PBK: variants seen among roughly 807,000 people sequenced by gnomAD.
The protein encoded by PBK is lymphokine-activated killer T-cell-originated protein kinase.
PBK carries 22 observed loss-of-function variants against 33.5 expected under a neutral mutation model. The ratio of observed to expected loss-of-function variants is 0.66; its 90% CI spans 0.47 to 0.94. The LOEUF (loss-of-function observed/expected upper bound fraction) is 0.94, where lower values mean the gene tolerates loss of function less well. Ranked by LOEUF, PBK falls within the 40% of genes least tolerant of loss-of-function variation. The pLI, the probability that PBK is intolerant of heterozygous loss-of-function variation, is 0.00. For synonymous variants in PBK, 129 were observed against 123.8 expected, an observed-to-expected ratio of 1.04 and a Z score of -0.28; for missense variants, 376 against 383.4, an observed-to-expected ratio of 0.98 and a Z score of 0.16.
rs971447973 is a variant in PBK at position 27,837,777 on chromosome 8, G to C, written c.-146C>G. ...AGCTGCCTCTAGCACCAACACATACGCCCGGCAGCTGCCGTTGCAATTCGA... is the reference window on the plus strand; with the variant it reads ...AGCTGCCTCTAGCACCAACACATACCCCCGGCAGCTGCCGTTGCAATTCGA... On this transcript the variant is annotated 5_prime_UTR_variant, in exon 1 of 8. Coordinates refer to ENST00000301905, the MANE Select transcript of PBK (RefSeq NM_018492.4). 1 of 152,204 alleles carries C rather than the reference G, an allele frequency of 6.6e-6. No individual in the cohort carries two copies. Among genetic ancestry groups the C allele is most frequent in the Non-Finnish European group, 1.5e-5 (1 of 68,056 alleles). The allele number at this position is 152,204 out of a possible 1,614,324, so 9.4% of individuals were successfully genotyped here. A position where few individuals can be genotyped will look rare whatever the true frequency, so the allele number is the denominator to read the frequency against.
intron 2 of PBK, among the ~76,000 whole-genome samples, chr8:27,831,214 A>T (rs1806122968): frequency 6.6e-6 from 1 of 151,998 alleles, no homozygotes. Context: ...TTAGCCGGCC[A>T]TGGTGGTGCA....
At chr8:27,822,214 G>A (rs1331786290) in intron 5 of PBK, 105 bp downstream of exon 5, 14 of 842,328 alleles carry the variant, frequency 1.7e-5, no homozygotes, top group East Asian at 2.7e-5. Context: ...GAACTGACAA[G>A]TAACAATATC....
intron 6 of PBK, among the ~76,000 whole-genome samples, chr8:27,813,771 A>T (rs982569982): frequency 1.3e-5 from 2 of 152,186 alleles, no homozygotes; most frequent in Non-Finnish European, 2.9e-5. Context: ...TGATTCTTGA[A>T]TGTTACAACT....
At chr8:27,835,542 G>T (rs890676547) in intron 1 of PBK, among the ~76,000 whole-genome samples, 15 of 146,374 alleles carry the variant, frequency 1.0e-4, no homozygotes, top group Non-Finnish European at 3.0e-5. Context: ...GCACCTCAGA[G>T]ATCTTCTAAG....
rs151214333 is a variant in PBK, at chr8:27,835,512, C to G, written c.-21+2140G>C. Among the ~76,000 whole-genome samples the G allele has an allele frequency of 1.6e-3, 236 of 152,102 alleles. 1 individual carries two copies. Among genetic ancestry groups the G allele is most frequent in the African/African-American group, 5.4e-3 (226 of 41,498 alleles). Reference sequence around the variant, plus strand: ...CTTCTTCCATCTGTGTTATCTTTCCCCATGGGATGCTGTGATGTGGCACCT... The same window carrying G: ...CTTCTTCCATCTGTGTTATCTTTCCGCATGGGATGCTGTGATGTGGCACCT... On this transcript the variant is annotated intron_variant, in intron 1 of 7. Coordinates refer to ENST00000301905, the MANE Select transcript of PBK (RefSeq NM_018492.4).
intron 6 of PBK, among the ~76,000 whole-genome samples, chr8:27,819,826 A>T (rs1268247830): frequency 1.3e-5 from 2 of 152,100 alleles, no homozygotes; most frequent in Non-Finnish European, 2.9e-5. Flanking sequence ...ATAAGGTTTC[A>T]CAACAGTTCT....
At chr8:27,834,912 G>A (rs1279754780) in intron 1 of PBK, among the ~76,000 whole-genome samples, 4 of 151,034 alleles carry the variant, frequency 2.6e-5, no homozygotes, top group Non-Finnish European at 5.9e-5. Context: ...AAAAAAGAAC[G>A]GAAGAAAAGA....
chr8:27,820,523 T>G, intron 6 of PBK, 42 bp downstream of exon 6: 1 of 1,210,988 alleles, frequency 8.3e-7, no homozygotes, highest in Non-Finnish European at 1.2e-6. Context: ...ATGTAAACAC[T>G]GTATTAAAAA....
At chr8:27,833,834 A>T (rs1461882886) in intron 1 of PBK, among the ~76,000 whole-genome samples, 2 of 152,192 alleles carry the variant, frequency 1.3e-5, no homozygotes, top group African/African-American at 4.8e-5. Flanking sequence ...CATTATTCAT[A>T]ACAGCCAAAA....
intron 2 of PBK, among the ~76,000 whole-genome samples, 189 bp from the exon 3 acceptor site, chr8:27,828,387 A>G (rs1040700732): frequency 2.0e-5 from 3 of 152,234 alleles, no homozygotes; most frequent in Admixed American, 6.5e-5. Flanking sequence ...ATCCTACAGT[A>G]ACTCTGAAGC....
chr8:27,824,316 A>G (rs546922349), intron 3 of PBK, among the ~76,000 whole-genome samples: 19 of 152,180 alleles, frequency 1.2e-4, no homozygotes, highest in Non-Finnish European at 2.5e-4. Flanking sequence ...CACCTTTTCC[A>G]TAACATATTC....
rs1055482374 is a variant in PBK at position 27,822,378 on chromosome 8, C to A, written c.406G>T (p.Asp136Tyr). The A allele has an allele frequency of 1.2e-6, 2 of 1,613,462 alleles. No individual in the cohort carries two copies. The highest frequency in any genetic ancestry group is 1.7e-6 in the Non-Finnish European group (2 of 1,179,784). The change falls in exon 5 of 8, where the codon GAT (aspartate) becomes TAT (tyrosine). Residue 136 changes from aspartate to tyrosine, a missense_variant. Asp to Tyr is a radical substitution (Grantham distance 160, BLOSUM62 -3). Coordinates refer to ENST00000301905, the MANE Select transcript of PBK (RefSeq NM_018492.4). Reference protein sequence around the residue: ...LIEERYKASQDPFPAAIILKV... With the variant: ...LIEERYKASQYPFPAAIILKV... ...AAAATTATGGCTGCTGGAAAAGGAT[C>A]TTGGCTGGCTTTATATCGTTCTTCT...
chr8:27,828,324 T>C, intron 2 of PBK, 126 bp from the exon 3 acceptor site: 1 of 460,368 alleles, frequency 2.2e-6, no homozygotes, highest in Non-Finnish European at 3.8e-6. Context: ...TTTGACAACA[T>C]ATATCCTAAT....
rs1355902899 is a variant in PBK, at chr8:27,828,199, CTAAA to C, written c.59-5_59-2del. On this transcript the variant is annotated splice_acceptor_variant and splice_polypyrimidine_tract_variant and intron_variant, in intron 2 of 7. Transcript: ENST00000301905. LOFTEE classifies it high-confidence loss of function. ...TTTATAGTTGGAGTTGAACATAATA[CTAAA>C]TGTCAGAGAAATAAAAAATAAAATT... 1 of 1,385,864 alleles carries C rather than the reference CTAAA, an allele frequency of 7.2e-7. No individual in the cohort carries two copies. Among genetic ancestry groups the C allele is most frequent in the East Asian group, 2.3e-5 (1 of 43,586 alleles). The allele number at this position is 1,385,864 out of a possible 1,614,324, so 85.8% of individuals were successfully genotyped here. A position where few individuals can be genotyped will look rare whatever the true frequency, so the allele number is the denominator to read the frequency against.
In PBK at chr8:27,820,585, G is replaced by T; in HGVS notation, c.575C>A (p.Pro192Gln). The T allele has an allele frequency of 6.3e-7, 1 of 1,579,014 alleles. No individual in the cohort carries two copies. Among genetic ancestry groups the T allele is most frequent in the Non-Finnish European group, 8.7e-7 (1 of 1,154,780 alleles). ...CTTACCAGTCATATTTTCATCCAGT[G>T]GTAGAGAGACTCCTACATCACAGAT... is the stretch of plus-strand genomic sequence containing the variant. ...IKICDVGVSL[P>Q]LDENMTVTDP... Residue 192 changes from proline (P) to glutamine (Q), a missense_variant, in exon 6 of 8, where the codon CCA becomes CAA. Transcript: ENST00000301905.
chr8:27,827,823 C>T (rs1806054953), intron 3 of PBK, among the ~76,000 whole-genome samples: 1 of 152,198 alleles, frequency 6.6e-6, no homozygotes, highest in Non-Finnish European at 1.5e-5. Flanking sequence ...CACAAAGGAA[C>T]CCTTTCCCCT....
At position 27,823,148 on chromosome 8, in the gene PBK, A is replaced by G. The variant is rs1585429278; in HGVS notation, c.210T>C (p.Cys70=). ...PWAVKKINPI[C]NDHYRSVYQK... is the part of the protein sequence containing the mutation. ...GATACACACTTCGATAATGATCATT[A>G]CATATAGGATTAATCTTTTTTACAG... The change falls in exon 4 of 8, where the codon TGT becomes TGC. Residue 70 remains cysteine, a synonymous_variant. Transcript: ENST00000301905. The G allele has an allele frequency of 3.9e-6, 6 of 1,554,780 alleles. No individual in the cohort carries two copies. In the East Asian group the frequency reaches 1.4e-4, roughly 35 times the overall value.
intron 5 of PBK, 67 bp from the exon 6 acceptor site, chr8:27,820,761 C>T: frequency 2.4e-6 from 2 of 817,620 alleles, no homozygotes; most frequent in East Asian, 2.8e-5. Flanking sequence ...GTGATAACCT[C>T]CAAATATAAC....
At chr8:27,820,365 A>C (rs2272690) in intron 6 of PBK, among the ~76,000 whole-genome samples, 200 bp downstream of exon 6, 23,869 of 152,016 alleles carry the variant, frequency 0.16, 2,380 homozygotes, top group East Asian at 0.37. Flanking sequence ...ACTACTACTA[A>C]TAATAATACA....
Sources: allele counts gnomAD v4.1 joint callset (sites outside exome capture counted in the v4.1 genomes callset), GRCh38; gene constraint gnomAD v4.1.1; transcripts MANE v1.5; gene names NCBI Gene and HGNC (gene_info 2026-07-23, HGNC 2026-07-21).